PPM1E: variants seen among roughly 807,000 people sequenced by gnomAD.
PPM1E encodes the protein protein phosphatase 1E.
A neutral mutation model predicts 65.9 loss-of-function variants in PPM1E; 20 were observed. The ratio of observed to expected loss-of-function variants is 0.30; its 90% CI spans 0.21 to 0.44. The LOEUF (loss-of-function observed/expected upper bound fraction) is 0.44. Ranked by LOEUF, PPM1E falls within the 20% of genes least tolerant of loss-of-function variation. The pLI is 1.00. For synonymous variants in PPM1E, 352 were observed against 374.9 expected (o/e 0.94, Z 0.70); for missense variants, 713 against 953.1 (o/e 0.75, Z 3.32).
intron 1 of PPM1E, among the ~76,000 whole-genome samples, chr17:58,937,892 A>AAAAAAAAAG (rs57965915): frequency 2.3e-4 from 30 of 129,786 alleles, no homozygotes; most frequent in Non-Finnish European, 3.2e-4. Context: ...AAAAAAAAAA[A>AAAAAAAAAG]AAAGAAAGAA....
Position 58,860,397 on chromosome 17 carries a change from T to C in PPM1E, c.465-95252T>C, listed in dbSNP as rs543992474. 3.9e-5 allele frequency among the ~76,000 whole-genome samples: 6 copies of C among 152,300 alleles called. No homozygotes were observed. The East Asian group carries it at 9.7e-4, about 25-fold the overall frequency. On this transcript the variant is annotated intron_variant, in intron 1 of 6. Transcript: ENST00000308249. Reference sequence around the variant, plus strand: ...GTCAGTTTTTTGTAATATAATGGTGTGCATACAGTATTCCTTAGTTTTCCA... The same window carrying C: ...GTCAGTTTTTTGTAATATAATGGTGCGCATACAGTATTCCTTAGTTTTCCA...
intron 1 of PPM1E, among the ~76,000 whole-genome samples, chr17:58,928,718 T>C (rs1195977385): frequency 6.6e-6 from 1 of 151,778 alleles, no homozygotes; most frequent in East Asian, 2.0e-4. Flanking sequence ...TTTTTTTTTT[T>C]TGAGACAGAG....
chr17:58,830,292 G>GTTATTATTGTTATTATTA (rs2050588033), intron 1 of PPM1E, among the ~76,000 whole-genome samples: 1 of 146,816 alleles, frequency 6.8e-6, no homozygotes, highest in East Asian at 2.0e-4. Context: ...TGTTGTTGTT[G>GTTATTATTGTTATTATTA]TTATTATTAT....
At chr17:58,874,988 G>A (rs1429661601) in intron 1 of PPM1E, among the ~76,000 whole-genome samples, 2 of 151,946 alleles carry the variant, frequency 1.3e-5, no homozygotes, top group African/African-American at 4.8e-5. Context: ...CTTCCTGTAA[G>A]AGGCAACCTC....
intron 1 of PPM1E, among the ~76,000 whole-genome samples, chr17:58,805,992 A>AAAAAC: frequency 8.4e-6 from 1 of 119,088 alleles, no homozygotes; most frequent in Non-Finnish European, 1.7e-5. Flanking sequence ...AAACAAAACA[A>AAAAAC]AACAAAACAA....
intron 1 of PPM1E, among the ~76,000 whole-genome samples, chr17:58,924,663 ACC>A (rs1375512530): frequency 6.6e-6 from 1 of 152,010 alleles, no homozygotes; most frequent in East Asian, 1.9e-4. Context: ...GCACCTATCA[ACC>A]CCTCATCTAG....
At chr17:58,860,963 T>A (rs1443875303) in intron 1 of PPM1E, among the ~76,000 whole-genome samples, 1 of 152,100 alleles carries the variant, frequency 6.6e-6, no homozygotes, top group Non-Finnish European at 1.5e-5. Flanking sequence ...AAAGCTAACA[T>A]ACTGGTTTCA....
At chr17:58,942,452 G>T (rs542566463) in intron 1 of PPM1E, among the ~76,000 whole-genome samples, 1 of 152,270 alleles carries the variant, frequency 6.6e-6, no homozygotes, top group African/African-American at 2.4e-5. Flanking sequence ...TGAAGACATA[G>T]AATGTAAGCA....
rs555441950 is a variant in PPM1E, at chr17:58,953,671, A to G, written c.465-1978A>G. On this transcript the variant is annotated intron_variant, in intron 1 of 6. Coordinates refer to ENST00000308249, the MANE Select transcript of PPM1E (RefSeq NM_014906.5). ...TACATTTGCAACTTCCAAATTTCCT[A>G]ACATCTCAAATGCCAGACTAGAATA... 4.6e-5 allele frequency among the ~76,000 whole-genome samples: 7 copies of G among 152,190 alleles called. No individual in the cohort carries two copies. The East Asian group carries it at 1.3e-3, about 29-fold the overall frequency.
intron 1 of PPM1E, among the ~76,000 whole-genome samples, chr17:58,807,155 G>C (rs1319545873): frequency 6.6e-6 from 1 of 152,040 alleles, no homozygotes; most frequent in Non-Finnish European, 1.5e-5. Flanking sequence ...GGATACATGA[G>C]ATTTAATATG....
Position 58,955,690 on chromosome 17 carries a change from C to T in PPM1E, c.506C>T (p.Thr169Ile). 2 of 1,613,552 alleles carry T rather than the reference C, an allele frequency of 1.2e-6. No homozygotes were observed. The highest frequency in any genetic ancestry group is 1.1e-5 in the South Asian group (1 of 90,818). ...TTGGCTGCTGCTTTAGCCAGAGCCA[C>T]ATCAGATGAAGTCCTTCAGAGTGAT... ...SFLAAALARA[T>I]SDEVLQSDLS... is the part of the protein sequence containing the mutation. The change falls in exon 2 of 7, where the codon ACA (threonine) becomes ATA (isoleucine). Residue 169 changes from threonine to isoleucine, a missense_variant. Thr to Ile is a moderately conservative substitution (Grantham distance 89). Coordinates refer to ENST00000308249, the MANE Select transcript of PPM1E (RefSeq NM_014906.5).
intron 1 of PPM1E, among the ~76,000 whole-genome samples, chr17:58,773,812 C>G (rs2049964434): frequency 1.3e-5 from 2 of 152,034 alleles, no homozygotes; most frequent in Admixed American, 1.3e-4. Context: ...GTGCTCCTGC[C>G]CGCGCCTACT....
chr17:58,960,880 T>C (rs1343483539), intron 2 of PPM1E, among the ~76,000 whole-genome samples: 1 of 152,050 alleles, frequency 6.6e-6, no homozygotes, highest in Non-Finnish European at 1.5e-5. Flanking sequence ...TAAAACTCTA[T>C]TGAGCAACAT....
At chr17:58,875,493 T>A (rs762125869) in intron 1 of PPM1E, among the ~76,000 whole-genome samples, 2 of 152,208 alleles carry the variant, frequency 1.3e-5, no homozygotes, top group Non-Finnish European at 2.9e-5. Flanking sequence ...ATATATACTA[T>A]ACTTGTCAAT....
chr17:58,849,793 G>A (rs896243038), intron 1 of PPM1E, among the ~76,000 whole-genome samples: 1 of 150,956 alleles, frequency 6.6e-6, no homozygotes, highest in Admixed American at 6.6e-5. Flanking sequence ...TAGGTCTGCA[G>A]ATGTCTATTA....
At chr17:58,873,561 C>CATA (rs903172100) in intron 1 of PPM1E, among the ~76,000 whole-genome samples, 2 of 124,776 alleles carry the variant, frequency 1.6e-5, no homozygotes, top group Non-Finnish European at 3.4e-5. Flanking sequence ...ACAAAATGCT[C>CATA]ATAGTATTAT....
At chr17:58,958,560 G>A (rs547045540) in intron 2 of PPM1E, among the ~76,000 whole-genome samples, 3 of 151,474 alleles carry the variant, frequency 2.0e-5, no homozygotes, top group South Asian at 4.2e-4. Flanking sequence ...TAATACAGAG[G>A]AAATTTAAAA....
At chr17:58,851,221 C>T (rs1051447334) in intron 1 of PPM1E, among the ~76,000 whole-genome samples, 1 of 152,144 alleles carries the variant, frequency 6.6e-6, no homozygotes, top group Non-Finnish European at 1.5e-5. Context: ...TGGGTTCGAA[C>T]ACCCTCCTGT....
intron 1 of PPM1E, among the ~76,000 whole-genome samples, chr17:58,822,326 T>A (rs957760624): frequency 1.4e-5 from 2 of 141,944 alleles, no homozygotes; most frequent in African/African-American, 5.2e-5. Context: ...CTGAATTTAT[T>A]TTTATTTATT....
Sources: allele counts gnomAD v4.1 joint callset (sites outside exome capture counted in the v4.1 genomes callset), GRCh38; gene constraint gnomAD v4.1.1; transcripts MANE v1.5; gene names NCBI Gene and HGNC (gene_info 2026-07-23, HGNC 2026-07-21).